NTN1: variants seen among roughly 807,000 people sequenced by gnomAD.
The protein encoded by NTN1 is netrin-1.
Under a neutral mutation model 54.2 loss-of-function variants are expected in NTN1, and 11 were observed. That is an observed-to-expected ratio of 0.20 (90% CI 0.13 to 0.34). NTN1 has a LOEUF of 0.34. NTN1 is among the 10% of genes least tolerant of loss of function. NTN1 has a pLI of 1.00. For synonymous variants in NTN1, 371 were observed against 382.0 expected (o/e 0.97, Z 0.33); for missense variants, 740 against 893.1 (o/e 0.83, Z 2.18).
intron 5 of NTN1, among the ~76,000 whole-genome samples, chr17:9,188,115 C>T (rs1404781261): frequency 1.3e-5 from 2 of 152,100 alleles, no homozygotes; most frequent in Non-Finnish European, 2.9e-5. Context: ...GACTTAATGC[C>T]ATTGAATTGT....
rs1363471511 is a variant in NTN1, at chr17:9,239,641, C to G, written c.1488C>G (p.Ala496=). 8 of 1,602,364 alleles carry G rather than the reference C, an allele frequency of 5.0e-6. No individual in the cohort carries two copies. Among genetic ancestry groups the G allele is most frequent in the Non-Finnish European group, 6.8e-6 (8 of 1,170,342 alleles). Residue 496 remains alanine, a splice_region_variant and synonymous_variant, in exon 7 of 7, where the codon GCC becomes GCG. Transcript: ENST00000173229. This position sits in a 1 kb window ranked among gnomAD's most constrained non-coding sequence, Gnocchi z 5.2. ...CCGTCTGCCTGTGCTTCCTTGCAGC[C>G]GTCCAGATCCACATCCTGAAGGCGG... The part of the protein sequence containing the change: ...NMKKYCKKDY[A]VQIHILKADK...
intron 3 of NTN1, among the ~76,000 whole-genome samples, chr17:9,170,449 C>T (rs1203701200): frequency 6.6e-5 from 10 of 152,292 alleles, no homozygotes; most frequent in Admixed American, 5.2e-4. Flanking sequence ...TCAGGAGAAC[C>T]GGCCCCTCTT....
At chr17:9,030,341 C>T (rs2091885015) in intron 2 of NTN1, among the ~76,000 whole-genome samples, 1 of 152,246 alleles carries the variant, frequency 6.6e-6, no homozygotes, top group South Asian at 2.1e-4. Flanking sequence ...GTCAGGACCA[C>T]CCCCAGCAAT....
intron 2 of NTN1, among the ~76,000 whole-genome samples, chr17:9,079,479 T>C (rs1453266613): frequency 6.6e-6 from 1 of 152,214 alleles, no homozygotes; most frequent in Non-Finnish European, 1.5e-5. Context: ...TCCTTAACAC[T>C]ATTCTTTCCT....
chr17:9,136,892 C>T (rs981211999), intron 2 of NTN1, among the ~76,000 whole-genome samples: 2 of 152,170 alleles, frequency 1.3e-5, no homozygotes, highest in Admixed American at 6.5e-5. Flanking sequence ...CAGCTCCTTC[C>T]TCGTGGCAGA....
intron 2 of NTN1, among the ~76,000 whole-genome samples, chr17:9,151,119 C>T (rs761731563): frequency 6.6e-6 from 1 of 152,186 alleles, no homozygotes; most frequent in East Asian, 1.9e-4. Context: ...CTGCCCCCCA[C>T]CCCTGTCCCT....
In NTN1 at chr17:9,067,222, G is replaced by A. The variant is rs918460279; in HGVS notation, c.1018+43831G>A. Among the ~76,000 whole-genome samples the A allele has an allele frequency of 2.0e-5, 3 of 150,486 alleles. No homozygotes were observed. In the East Asian group the frequency reaches 5.9e-4, roughly 29 times the overall value. On this transcript the variant is annotated intron_variant, in intron 2 of 6. Coordinates refer to ENST00000173229, the MANE Select transcript of NTN1 (RefSeq NM_004822.3). Reference sequence around the variant, plus strand: ...GCGGAGGTTGCAGTGAGCCAAGATTGTGCCACTGTACTCCAGCCTGGGCGA... The same window carrying A: ...GCGGAGGTTGCAGTGAGCCAAGATTATGCCACTGTACTCCAGCCTGGGCGA...
At chr17:9,140,997 G>C (rs919460326) in intron 2 of NTN1, among the ~76,000 whole-genome samples, 2 of 152,178 alleles carry the variant, frequency 1.3e-5, no homozygotes, top group East Asian at 1.9e-4. Flanking sequence ...CAGCTTGCAC[G>C]TGTGGGTAGA....
rs139172961 is a variant in NTN1, at chr17:9,093,742, G to C, written c.1019-69071G>C. On this transcript the variant is annotated intron_variant, in intron 2 of 6. Coordinates refer to ENST00000173229, the MANE Select transcript of NTN1 (RefSeq NM_004822.3). The stretch of plus-strand genomic sequence containing the variant: ...TAATCCCAGCACTTTGGGAAGCCGA[G>C]GCAGGTGGATCACTTGAGGTCAGGA... Among the ~76,000 whole-genome samples the C allele has an allele frequency of 2.8e-3, 424 of 152,306 alleles. 2 individuals carry two copies. The highest frequency in any genetic ancestry group is 9.7e-3 in the African/African-American group (403 of 41,564).
chr17:9,082,131 C>T (rs2092073197), intron 2 of NTN1, among the ~76,000 whole-genome samples: 1 of 152,186 alleles, frequency 6.6e-6, no homozygotes, highest in Non-Finnish European at 1.5e-5. Context: ...GTGATCTTGG[C>T]TCACTGCAAC....
intron 2 of NTN1, among the ~76,000 whole-genome samples, chr17:9,152,257 A>G (rs2142289914): frequency 6.6e-6 from 1 of 152,260 alleles, no homozygotes; most frequent in Middle Eastern, 3.4e-3. Flanking sequence ...CCAACTCTGG[A>G]CACACTATTG....
chr17:9,036,767 C>T (rs936250347), intron 2 of NTN1, among the ~76,000 whole-genome samples: 4 of 152,154 alleles, frequency 2.6e-5, no homozygotes, highest in South Asian at 2.1e-4. Flanking sequence ...TCTTCCTTAA[C>T]GAACTCACCC....
At chr17:9,099,409 C>CA (rs919214383) in intron 2 of NTN1, among the ~76,000 whole-genome samples, 304 of 150,866 alleles carry the variant, frequency 2.0e-3, no homozygotes, top group African/African-American at 6.5e-3. Context: ...CTGTCTAAAA[C>CA]AAAAAAAAAT....
intron 2 of NTN1, among the ~76,000 whole-genome samples, chr17:9,074,603 G>A (rs771825185): frequency 3.9e-5 from 6 of 152,218 alleles, no homozygotes; most frequent in Admixed American, 2.0e-4. Flanking sequence ...CACTTTAGGA[G>A]CCACCTGGGG....
the NTN1 span, among the ~76,000 whole-genome samples, chr17:9,007,525 C>T: frequency 7.3e-6 from 1 of 137,694 alleles, no homozygotes; most frequent in African/African-American, 2.7e-5. Context: ...TTCTTTCTTC[C>T]TTCCCTCCCT....
At chr17:9,234,059 G>A (rs1223444030) in intron 6 of NTN1, among the ~76,000 whole-genome samples, 4 of 152,210 alleles carry the variant, frequency 2.6e-5, no homozygotes, top group African/African-American at 9.7e-5. Context: ...CCATGGACCT[G>A]GCCCTGAGCC....
rs551859890 is a variant in NTN1, at chr17:9,227,772, C to T, written c.1486+6530C>T. Among the ~76,000 whole-genome samples, 3 of 151,772 alleles carry T rather than the reference C, an allele frequency of 2.0e-5. No individual in the cohort carries two copies. In the East Asian group the frequency reaches 5.8e-4, roughly 29 times the overall value. On this transcript the variant is annotated intron_variant, in intron 6 of 6. Coordinates refer to ENST00000173229, the MANE Select transcript of NTN1 (RefSeq NM_004822.3). ...CAGACTCACACATTTATCATACAGG[C>T]ACACATACCACACACATATCACACA...
At chr17:9,055,309 C>T (rs185568204) in intron 2 of NTN1, among the ~76,000 whole-genome samples, 45 of 152,322 alleles carry the variant, frequency 3.0e-4, no homozygotes, top group African/African-American at 9.9e-4. Context: ...GAATGCTAAC[C>T]GCTGCCTGCA....
In NTN1 at chr17:9,023,062, A is replaced by C; in HGVS notation, c.689A>C (p.His230Pro). The C allele has an allele frequency of 1.3e-6, 2 of 1,579,908 alleles. No homozygotes were observed. Among genetic ancestry groups the C allele is most frequent in the South Asian group, 1.1e-5 (1 of 87,130 alleles). Reference protein sequence around the residue: ...FSTLDGRPSAHDFDNSPVLQD... With the variant: ...FSTLDGRPSAPDFDNSPVLQD... ...ACGCTGGACGGGCGGCCCTCGGCGC[A>C]CGACTTCGACAACTCGCCCGTGCTG... The change falls in exon 2 of 7, where the codon CAC becomes CCC. Residue 230 changes from histidine to proline, a missense_variant. By Grantham distance (77) the His-to-Pro change is moderately conservative. Coordinates refer to ENST00000173229, the MANE Select transcript of NTN1 (RefSeq NM_004822.3).
Sources: gnomAD v4.1 joint callset for allele counts (sites outside exome capture counted in the v4.1 genomes callset) on GRCh38, gnomAD v4.1.1 for gene constraint, Gnocchi (gnomAD v3.1) non-coding constraint, MANE v1.5 for transcripts, NCBI Gene and HGNC (gene_info 2026-07-23, HGNC 2026-07-21) for gene names.